NRXN3: variants seen among roughly 807,000 people sequenced by gnomAD.
NRXN3 encodes neurexin 3, also known as neurexin III.
NRXN3 carries 32 observed loss-of-function variants against 137.6 expected under a neutral mutation model. The observed-to-expected ratio is 0.23, with a 90% CI of 0.18 to 0.31. The LOEUF (loss-of-function observed/expected upper bound fraction) is 0.31, where lower values mean the gene tolerates loss of function less well. Among genes scored for constraint, NRXN3 ranks in the 10% least tolerant of loss-of-function variants. The pLI is 1.00. For missense variants in NRXN3, 1,574 were observed against 2,062.5 expected, an observed-to-expected ratio of 0.76 and a Z score of 4.59; for synonymous variants, 798 against 784.5, an observed-to-expected ratio of 1.02 and a Z score of -0.29.
chr14:79,585,415 G>A (rs768582324), intron 16 of NRXN3, among the ~76,000 whole-genome samples: 6 of 152,076 alleles, frequency 3.9e-5, no homozygotes, highest in Non-Finnish European at 8.8e-5. Context: ...GGCTGGGCAC[G>A]GTGGCTCATA....
chr14:78,755,397 T>G (rs1331839128), intron 8 of NRXN3, among the ~76,000 whole-genome samples: 1 of 151,634 alleles, frequency 6.6e-6, no homozygotes, highest in Admixed American at 6.6e-5. Context: ...GAGACTGAGT[T>G]GTTGTTGATT....
intron 1 of NRXN3, among the ~76,000 whole-genome samples, chr14:78,240,649 G>A (rs759871308): frequency 6.6e-6 from 1 of 152,150 alleles, no homozygotes; most frequent in Non-Finnish European, 1.5e-5. Flanking sequence ...CTTGAACCTG[G>A]TACCTTCCTT....
chr14:78,581,191 CTTG>C (rs2096991511), intron 4 of NRXN3, among the ~76,000 whole-genome samples: 1 of 152,236 alleles, frequency 6.6e-6, no homozygotes, highest in East Asian at 1.9e-4. Flanking sequence ...CTAACACTAA[CTTG>C]TTGTAACTAG....
At chr14:79,428,887 T>A (rs2095699605) in intron 15 of NRXN3, among the ~76,000 whole-genome samples, 1 of 152,230 alleles carries the variant, frequency 6.6e-6, no homozygotes, top group Non-Finnish European at 1.5e-5. Flanking sequence ...AGTGGGCAGA[T>A]ATGTTCTTGA....
At chr14:78,587,186 T>G (rs1439729606) in intron 4 of NRXN3, among the ~76,000 whole-genome samples, 2 of 152,252 alleles carry the variant, frequency 1.3e-5, no homozygotes, top group Non-Finnish European at 2.9e-5. Context: ...GTGTTTGTTC[T>G]TTGGGAATGT....
At chr14:79,768,105 C>A (rs968960249) in intron 19 of NRXN3, among the ~76,000 whole-genome samples, 20 of 152,340 alleles carry the variant, frequency 1.3e-4, no homozygotes, top group Admixed American at 4.6e-4. Flanking sequence ...TATCCCTCAC[C>A]TGGCTCGGAG....
At chr14:79,777,086 T>C (rs2099099415) in intron 19 of NRXN3, among the ~76,000 whole-genome samples, 2 of 152,144 alleles carry the variant, frequency 1.3e-5, no homozygotes, top group Non-Finnish European at 2.9e-5. Flanking sequence ...TCTTTGGAGA[T>C]GTGGTATATG....
intron 2 of NRXN3, among the ~76,000 whole-genome samples, chr14:78,255,376 T>A (rs2069391294): frequency 6.6e-6 from 1 of 152,212 alleles, no homozygotes; most frequent in Non-Finnish European, 1.5e-5. Context: ...CACACCATCA[T>A]GTGGTCATTG....
chr14:79,027,581 T>C (rs1432328573), intron 15 of NRXN3, among the ~76,000 whole-genome samples: 2 of 152,138 alleles, frequency 1.3e-5, no homozygotes, highest in Non-Finnish European at 2.9e-5. Context: ...GCCTGAAATA[T>C]GACCATAACA....
At chr14:79,386,300 T>C (rs2094613712) in intron 15 of NRXN3, among the ~76,000 whole-genome samples, 1 of 152,148 alleles carries the variant, frequency 6.6e-6, no homozygotes, top group African/African-American at 2.4e-5. Flanking sequence ...AGCATTCTTA[T>C]ATACCAATAA....
At chr14:79,052,642 T>G (rs1254565538) in intron 15 of NRXN3, among the ~76,000 whole-genome samples, 1 of 152,218 alleles carries the variant, frequency 6.6e-6, no homozygotes, top group Non-Finnish European at 1.5e-5. Context: ...AGCTTTAAGA[T>G]GAAACAAAGA....
intron 16 of NRXN3, among the ~76,000 whole-genome samples, chr14:79,656,880 T>C (rs768025132): frequency 1.3e-5 from 2 of 152,144 alleles, no homozygotes; most frequent in African/African-American, 4.8e-5. Context: ...TTTCAAGCCA[T>C]TTAATATGAA....
intron 4 of NRXN3, among the ~76,000 whole-genome samples, chr14:78,642,718 G>A (rs2097647664): frequency 6.6e-6 from 1 of 152,116 alleles, no homozygotes; most frequent in African/African-American, 2.4e-5. Context: ...TCCTGAGCAG[G>A]GCCTTGTCCA....
intron 10 of NRXN3, among the ~76,000 whole-genome samples, chr14:78,817,830 ACTGAG>A (rs958006471): frequency 5.3e-5 from 8 of 150,290 alleles, no homozygotes; most frequent in Non-Finnish European, 4.4e-5. Context: ...AACGCCTCCC[ACTGAG>A]CACTGCCACC....
rs1384635601 is a variant in NRXN3 at position 79,861,558 on chromosome 14, A to G, written c.4310A>G (p.Gln1437Arg). The change falls in exon 21 of 21, where the codon CAG becomes CGG. Residue 1437 changes from glutamine to arginine, a missense_variant. Gln to Arg is a conservative substitution (Grantham distance 43). Around this residue, in one of 5 missense-constraint regions of NRXN3, gnomAD observed 320 missense variants for 387.1 expected, o/e 0.83. Coordinates refer to ENST00000335750, the MANE Select transcript of NRXN3 (RefSeq NM_001330195.2). This position sits in a 1 kb window ranked among gnomAD's most constrained non-coding sequence, Gnocchi z 5.4. ...GKMNNRDLKPQPDIVLLPLPT... is the reference protein window; with the variant it reads ...GKMNNRDLKPRPDIVLLPLPT... ...ATGAATAACCGTGATCTCAAACCCCAGCCTGATATAGTCTTGCTTCCGTTG... is the reference window on the plus strand; with the variant it reads ...ATGAATAACCGTGATCTCAAACCCCGGCCTGATATAGTCTTGCTTCCGTTG... 2 of 1,581,228 alleles carry G rather than the reference A, an allele frequency of 1.3e-6. No homozygotes were observed. Among genetic ancestry groups the G allele is most frequent in the East Asian group, 4.7e-5 (2 of 42,898 alleles).
chr14:78,712,067 CA>C (rs2098411798), intron 7 of NRXN3, among the ~76,000 whole-genome samples: 1 of 152,178 alleles, frequency 6.6e-6, no homozygotes, highest in African/African-American at 2.4e-5. Flanking sequence ...TAAGTGCATT[CA>C]AAACTGTTAT....
chr14:79,773,392 T>C (rs1289940722), intron 19 of NRXN3, among the ~76,000 whole-genome samples: 1 of 152,062 alleles, frequency 6.6e-6, no homozygotes, highest in African/African-American at 2.4e-5. Context: ...TGTCCACCAA[T>C]GATCGACCAG....
intron 1 of NRXN3, among the ~76,000 whole-genome samples, chr14:78,179,842 G>T (rs12588800): frequency 0.12 from 13,422 of 107,752 alleles, 899 homozygotes; most frequent in East Asian, 0.19. Context: ...CTGTTTTTTT[G>T]TTTTTTTTTT....
intron 4 of NRXN3, among the ~76,000 whole-genome samples, chr14:78,309,023 A>G (rs78910919): frequency 0.047 from 7,163 of 152,200 alleles, 519 homozygotes; most frequent in African/African-American, 0.16. Flanking sequence ...AAGTTGATGA[A>G]AGGACTGTGA....
Sources: gnomAD v4.1 joint callset for allele counts (sites outside exome capture counted in the v4.1 genomes callset) on GRCh38, gnomAD v4.1.1 for gene constraint, gnomAD v4.1.1 regional missense constraint, Gnocchi (gnomAD v3.1) non-coding constraint, MANE v1.5 for transcripts, NCBI Gene and HGNC (gene_info 2026-07-23, HGNC 2026-07-21) for gene names.